RYR2: variants seen among roughly 807,000 people sequenced by gnomAD.
RYR2 encodes ryanodine receptor 2.
In RYR2, 227 loss-of-function variants were observed where a neutral mutation model predicts 601.1. That is an observed-to-expected ratio of 0.38 (90% CI 0.34 to 0.42). RYR2 has a LOEUF of 0.42. RYR2 is among the 10% of genes least tolerant of loss of function. RYR2 has a pLI of 1.00. For synonymous variants in RYR2, 2,223 were observed against 2,175.1 expected, an observed-to-expected ratio of 1.02 and a Z score of -0.61; for missense variants, 4,646 against 6,156.5, an observed-to-expected ratio of 0.75 and a Z score of 8.21.
chr1:237,075,026 C>T (rs943516493), intron 1 of RYR2, among the ~76,000 whole-genome samples: 1 of 152,090 alleles, frequency 6.6e-6, no homozygotes, highest in Admixed American at 6.6e-5. Context: ...GTGGGAGTCA[C>T]CCCATGTTTA....
chr1:237,401,581 CT>C (rs568351083), intron 10 of RYR2, among the ~76,000 whole-genome samples: 20 of 152,174 alleles, frequency 1.3e-4, no homozygotes, highest in Admixed American at 2.0e-4. Flanking sequence ...TTCTCGTTCC[CT>C]GTGGAATTAG....
At chr1:237,621,972 A>C (rs1331710736) in intron 38 of RYR2, among the ~76,000 whole-genome samples, 1 of 152,180 alleles carries the variant, frequency 6.6e-6, no homozygotes, top group African/African-American at 2.4e-5. Flanking sequence ...TGACTGCACT[A>C]ATGTTGCTAT....
At chr1:237,461,967 C>G (rs2150257338) in intron 16 of RYR2, among the ~76,000 whole-genome samples, 1 of 152,120 alleles carries the variant, frequency 6.6e-6, no homozygotes, top group South Asian at 2.1e-4. Flanking sequence ...TACTTCAGAA[C>G]CATATGCTGC....
intron 21 of RYR2, 83 bp from the exon 22 acceptor site, chr1:237,503,206 C>T: frequency 7.8e-7 from 1 of 1,279,922 alleles, no homozygotes; most frequent in South Asian, 1.3e-5. Flanking sequence ...TTTGTACTAA[C>T]AATTTTTCCC....
chr1:237,049,650 G>A (rs1364034740), intron 1 of RYR2, among the ~76,000 whole-genome samples: 1 of 152,142 alleles, frequency 6.6e-6, no homozygotes, highest in African/African-American at 2.4e-5. Flanking sequence ...TACAGGCCCT[G>A]AAAGCTGACA....
At chr1:237,489,933 C>T (rs1005525567) in intron 17 of RYR2, among the ~76,000 whole-genome samples, 6 of 152,172 alleles carry the variant, frequency 3.9e-5, no homozygotes, top group Admixed American at 2.0e-4. Context: ...GGTACCTATG[C>T]GTCATGAAAT....
chr1:237,517,565 A>AGATGTGTTGG (rs1666672382), intron 24 of RYR2, among the ~76,000 whole-genome samples: 1 of 152,162 alleles, frequency 6.6e-6, no homozygotes, highest in Non-Finnish European at 1.5e-5. Flanking sequence ...CCACATTCAA[A>AGATGTGTTGG]GCCATCCTGG....
chr1:237,491,782 CCT>C, intron 17 of RYR2, 22 bp from the exon 18 acceptor site: 2 of 1,108,462 alleles, frequency 1.8e-6, no homozygotes, highest in Non-Finnish European at 2.7e-6. Context: ...TGTTTTTTTT[CCT>C]CTTTCTTTGT....
chr1:237,698,450 C>G (rs1687685957), intron 63 of RYR2, among the ~76,000 whole-genome samples: 1 of 151,516 alleles, frequency 6.6e-6, no homozygotes, highest in Non-Finnish European at 1.5e-5. Context: ...TTGCCAAAGA[C>G]CAATAACATT....
chr1:237,756,946 C>CT (rs1273632470), intron 81 of RYR2, among the ~76,000 whole-genome samples: 1 of 152,126 alleles, frequency 6.6e-6, no homozygotes, highest in Non-Finnish European at 1.5e-5. Context: ...TAAAGTGAGA[C>CT]TTTTTTAACA....
Position 237,203,269 on chromosome 1 carries a change from G to T in RYR2, c.49-67228G>T, listed in dbSNP as rs184731190. 2.3e-3 allele frequency among the ~76,000 whole-genome samples: 349 copies of T among 152,242 alleles called. 1 individual carries two copies. The highest frequency in any genetic ancestry group is 8.1e-3 in the African/African-American group (338 of 41,542). On this transcript the variant is annotated intron_variant, in intron 1 of 104. Coordinates refer to ENST00000366574, the MANE Select transcript of RYR2 (RefSeq NM_001035.3). ...ATTAAATGGGTGTTAATACAGGTAG[G>T]TTACTTAGAATAGTTCCTAGGGTAT...
chr1:237,100,162 G>A lies in RYR2; in HGVS notation c.48+57593G>A, dbSNP rs551791260. Among the ~76,000 whole-genome samples the A allele has an allele frequency of 5.9e-5, 9 of 152,288 alleles. No homozygotes were observed. The South Asian group carries it at 1.9e-3, about 32-fold the overall frequency. ...AGGAAGGCTTACTAAAGAATAAGTG[G>A]GGGAAGTGGTAGGAAATGAGAAAAA... is the stretch of plus-strand genomic sequence containing the variant. On this transcript the variant is annotated intron_variant, in intron 1 of 104. Transcript: ENST00000366574.
chr1:237,165,065 C>T (rs1375924703), intron 1 of RYR2, among the ~76,000 whole-genome samples: 2 of 151,790 alleles, frequency 1.3e-5, no homozygotes, highest in Admixed American at 6.6e-5. Context: ...CCTTGAACTC[C>T]TCCTGCTTCA....
chr1:237,787,604 A>C (rs1023912273), intron 91 of RYR2, among the ~76,000 whole-genome samples: 67 of 150,020 alleles, frequency 4.5e-4, no homozygotes, highest in Middle Eastern at 3.4e-3. Flanking sequence ...AAACAAAAAA[A>C]AAAAAAAAAA....
chr1:237,424,131 T>G (rs1254246760), intron 12 of RYR2, among the ~76,000 whole-genome samples: 1 of 152,128 alleles, frequency 6.6e-6, no homozygotes, highest in African/African-American at 2.4e-5. Context: ...ACGTGGAGAT[T>G]ACAAATTGAG....
intron 7 of RYR2, among the ~76,000 whole-genome samples, chr1:237,375,855 A>G (rs776859491): frequency 6.6e-6 from 1 of 152,228 alleles, no homozygotes. Context: ...CGCAGTCTAG[A>G]ATTTGTTTTC....
chr1:237,319,568 A>AT (rs1695426448), intron 2 of RYR2, among the ~76,000 whole-genome samples: 1 of 152,084 alleles, frequency 6.6e-6, no homozygotes, highest in Non-Finnish European at 1.5e-5. Flanking sequence ...TAAAAAAATT[A>AT]TTCTTATTTT....
chr1:237,371,330 A>G (rs765052379), intron 6 of RYR2, among the ~76,000 whole-genome samples: 1 of 151,904 alleles, frequency 6.6e-6, no homozygotes, highest in Non-Finnish European at 1.5e-5. Context: ...TAATTTTTAA[A>G]TTTATTGTAG....
At position 237,239,066 on chromosome 1, in the gene RYR2, C is replaced by T. The variant is rs543099909; in HGVS notation, c.49-31431C>T. Among the ~76,000 whole-genome samples the T allele has an allele frequency of 2.0e-5, 3 of 152,182 alleles. No individual in the cohort carries two copies. In the East Asian group the frequency reaches 5.8e-4, roughly 29 times the overall value. On this transcript the variant is annotated intron_variant, in intron 1 of 104. Transcript: ENST00000366574. ...TTACATATATTTTAAACAATTAAGG[C>T]AAAAAGTTATGATGCAAAAGCTAGG...
Sources: gnomAD v4.1 joint callset for allele counts (sites outside exome capture counted in the v4.1 genomes callset) on GRCh38, gnomAD v4.1.1 for gene constraint, MANE v1.5 for transcripts, NCBI Gene and HGNC (gene_info 2026-07-23, HGNC 2026-07-21) for gene names.